The following NLGN4Y variants were observed in gnomAD, a reference collection of about 807,000 sequenced individuals.
The protein encoded by NLGN4Y is neuroligin-4, Y-linked.
Under a neutral mutation model 8.4 loss-of-function variants are expected in NLGN4Y, and 4 were observed. The ratio of observed to expected loss-of-function variants is 0.48; its 90% CI spans 0.23 to 1.09. The LOEUF (loss-of-function observed/expected upper bound fraction) is 1.09, where lower values mean the gene tolerates loss of function less well. NLGN4Y is among the 50% of genes least tolerant of loss of function. The pLI, the probability that NLGN4Y is intolerant of heterozygous loss-of-function variation, is 0.19. For missense variants in NLGN4Y, 90 were observed against 192.3 expected (o/e 0.47, Z 3.15); for synonymous variants, 35 against 75.6 (o/e 0.46, Z 2.78).
chrY:14,571,103 G>T, intron 1 of NLGN4Y, among the ~76,000 whole-genome samples: 1 of 32,870 alleles, frequency 3.0e-5, no homozygotes, highest in South Asian at 7.0e-4. Context: ...AATCCTCTGG[G>T]TTTATACCCA....
chrY:14,832,998 C>T, intron 6 of NLGN4Y, among the ~76,000 whole-genome samples: 3 of 32,611 alleles, frequency 9.2e-5, no homozygotes, highest in Non-Finnish European at 7.5e-5. Context: ...TTCACCCCTA[C>T]GGCCTCAACC....
intron 2 of NLGN4Y, among the ~76,000 whole-genome samples, chrY:14,717,981 A>G: frequency 2.9e-5 from 1 of 34,137 alleles, no homozygotes; most frequent in East Asian, 7.6e-4. Flanking sequence ...ACAATGGAAA[A>G]TAATTTAGCC....
chrY:14,802,322 C>T, intron 4 of NLGN4Y, among the ~76,000 whole-genome samples: 1 of 32,154 alleles, frequency 3.1e-5, no homozygotes, highest in Non-Finnish European at 7.5e-5. Context: ...TTTGCTATGC[C>T]GCTGAGTCAT....
intron 2 of NLGN4Y, among the ~76,000 whole-genome samples, chrY:14,624,097 G>T: frequency 3.0e-5 from 1 of 33,632 alleles, no homozygotes; most frequent in Non-Finnish European, 7.3e-5. Flanking sequence ...CCTGGGTTGA[G>T]ATCTTTCTCA....
intron 1 of NLGN4Y, among the ~76,000 whole-genome samples, chrY:14,525,957 G>A (rs2080091938): frequency 3.0e-5 from 1 of 33,456 alleles, no homozygotes; most frequent in Non-Finnish European, 7.4e-5. Flanking sequence ...GTCGTTCTGC[G>A]GGCAACATAG....
intron 2 of NLGN4Y, among the ~76,000 whole-genome samples, chrY:14,635,114 C>A: frequency 3.0e-5 from 1 of 33,238 alleles, no homozygotes; most frequent in Non-Finnish European, 7.4e-5. Flanking sequence ...TTCACTCAAC[C>A]AGGGAACACC....
intron 4 of NLGN4Y, among the ~76,000 whole-genome samples, chrY:14,727,681 TGTA>T (rs2080959378): frequency 1.2e-4 from 4 of 32,711 alleles, no homozygotes; most frequent in African/African-American, 4.8e-4. Context: ...AAAAAGAAAA[TGTA>T]GGAGAGACAA....
intron 4 of NLGN4Y, among the ~76,000 whole-genome samples, chrY:14,727,480 T>C (rs755950935): frequency 3.0e-5 from 1 of 33,514 alleles, no homozygotes; most frequent in East Asian, 8.0e-4. Flanking sequence ...GGCAAGATAA[T>C]ATTTACCTGC....
In NLGN4Y at chrY:14,773,057, A is replaced by T. The variant is rs769774949; in HGVS notation, c.685+49788A>T. ...AACTCCTATTCAACATAATATTGGAAGTTCTGGCCATGGCAATCAAGCAAG... is the reference window on the plus strand; with the variant it reads ...AACTCCTATTCAACATAATATTGGATGTTCTGGCCATGGCAATCAAGCAAG... On this transcript the variant is annotated intron_variant, in intron 4 of 6. Coordinates refer to ENST00000684976, the MANE Select transcript of NLGN4Y (RefSeq NM_001365588.1). Among the ~76,000 whole-genome samples, 37 of 32,936 alleles carry T rather than the reference A, an allele frequency of 1.1e-3. No homozygotes were observed. In the South Asian group the frequency reaches 0.026, roughly 23 times the overall value. 88.4% of individuals were successfully genotyped at this position (32,936 alleles called of 37,273 possible).
At chrY:14,805,739 C>A (rs2043054542) in intron 4 of NLGN4Y, among the ~76,000 whole-genome samples, 1 of 34,356 alleles carries the variant, frequency 2.9e-5, no homozygotes, top group Non-Finnish European at 7.2e-5. Flanking sequence ...AAGGACAAAA[C>A]ATGACTAGCA....
At chrY:14,698,318 A>G (rs2150542097) in intron 2 of NLGN4Y, among the ~76,000 whole-genome samples, 7 of 33,289 alleles carry the variant, frequency 2.1e-4, no homozygotes, top group Non-Finnish European at 5.2e-4. Context: ...TCATGAACCA[A>G]CTCTGTCTCT....
chrY:14,822,657 TG>T (rs2043127210), intron 4 of NLGN4Y, among the ~76,000 whole-genome samples: 1 of 34,283 alleles, frequency 2.9e-5, no homozygotes, highest in South Asian at 6.4e-4. Flanking sequence ...GCACCCACAC[TG>T]ACATTATTCA....
intron 4 of NLGN4Y, among the ~76,000 whole-genome samples, chrY:14,739,637 C>G: frequency 3.0e-5 from 1 of 33,088 alleles, no homozygotes; most frequent in Non-Finnish European, 7.5e-5. Context: ...GACACTTGAT[C>G]ATGTTTGAGT....
intron 1 of NLGN4Y, among the ~76,000 whole-genome samples, chrY:14,535,333 A>G: frequency 1.2e-4 from 4 of 33,335 alleles, no homozygotes; most frequent in African/African-American, 3.5e-4. Context: ...GAAAACAAAT[A>G]TAAACAAACC....
chrY:14,539,943 C>G (rs779465586), intron 1 of NLGN4Y, among the ~76,000 whole-genome samples: 2 of 31,700 alleles, frequency 6.3e-5, no homozygotes, highest in Admixed American at 5.9e-4. Context: ...TTGGTGAGAA[C>G]CATTCACTCC....
At chrY:14,706,886 T>C (rs2080881236) in intron 2 of NLGN4Y, among the ~76,000 whole-genome samples, 1 of 22,399 alleles carries the variant, frequency 4.5e-5, no homozygotes, top group Admixed American at 4.5e-4. Context: ...TGTATATATA[T>C]ACATATGTGT....
At chrY:14,652,467 G>C (rs2080633018) in intron 2 of NLGN4Y, among the ~76,000 whole-genome samples, 1 of 32,102 alleles carries the variant, frequency 3.1e-5, no homozygotes, top group Admixed American at 2.8e-4. Flanking sequence ...TTTAATATCA[G>C]GTTTTATACT....
intron 4 of NLGN4Y, among the ~76,000 whole-genome samples, chrY:14,762,973 A>G (rs2081085197): frequency 3.0e-5 from 1 of 33,839 alleles, no homozygotes; most frequent in Non-Finnish European, 7.3e-5. Flanking sequence ...AGCATGAGGA[A>G]CAATAAAATT....
intron 1 of NLGN4Y, among the ~76,000 whole-genome samples, chrY:14,537,600 C>A (rs767542894): frequency 6.0e-5 from 2 of 33,476 alleles, no homozygotes; most frequent in East Asian, 1.6e-3. Context: ...CTCTCCCCAT[C>A]CCACCTCACA....
Sources: gnomAD v4.1 joint callset for allele counts (sites outside exome capture counted in the v4.1 genomes callset) on GRCh38, gnomAD v4.1.1 for gene constraint, MANE v1.5 for transcripts, NCBI Gene and HGNC (gene_info 2026-07-23, HGNC 2026-07-21) for gene names.